KCNMA1: variants seen among roughly 807,000 people sequenced by gnomAD.
KCNMA1 encodes the protein Calcium-activated potassium channel subunit alpha-1.
In KCNMA1, 29 loss-of-function variants were observed where a neutral mutation model predicts 140.0. The ratio of observed to expected loss-of-function variants is 0.21; its 90% CI spans 0.15 to 0.28. KCNMA1 has a LOEUF of 0.28. Ranked by LOEUF, KCNMA1 falls within the 10% of genes least tolerant of loss-of-function variation. The probability of loss-of-function intolerance (pLI) is 1.00; values close to 1 mark genes in which losing one functional copy is unlikely to be tolerated. For synonymous variants in KCNMA1, 612 were observed against 611.9 expected, an observed-to-expected ratio of 1.00 and a Z score of 0.00; for missense variants, 880 against 1,602.2, an observed-to-expected ratio of 0.55 and a Z score of 7.70.
At chr10:77,054,486 T>C (rs1025332532) in intron 14 of KCNMA1, among the ~76,000 whole-genome samples, 4 of 152,094 alleles carry the variant, frequency 2.6e-5, no homozygotes, top group African/African-American at 9.7e-5. Context: ...CACAGAGATA[T>C]ATGTTACTTC....
chr10:76,956,900 A>G (rs1199047856), intron 20 of KCNMA1, among the ~76,000 whole-genome samples: 1 of 152,036 alleles, frequency 6.6e-6, no homozygotes, highest in Non-Finnish European at 1.5e-5. Context: ...AGGTGGGCGG[A>G]TCATGAGGTC....
chr10:77,123,045 T>C (rs1036976340), intron 5 of KCNMA1, among the ~76,000 whole-genome samples: 1 of 150,982 alleles, frequency 6.6e-6, no homozygotes, highest in Non-Finnish European at 1.5e-5. Flanking sequence ...CCGGGCGTGG[T>C]GGCGGGCGCC....
At chr10:77,598,212 C>T (rs2154565914) in intron 1 of KCNMA1, among the ~76,000 whole-genome samples, 1 of 152,244 alleles carries the variant, frequency 6.6e-6, no homozygotes, top group Non-Finnish European at 1.5e-5. Flanking sequence ...CTCAAGTGAT[C>T]CGCCCACCTT....
intron 1 of KCNMA1, among the ~76,000 whole-genome samples, chr10:77,551,794 A>G (rs969024470): frequency 3.3e-5 from 5 of 152,208 alleles, no homozygotes; most frequent in Non-Finnish European, 1.5e-5. Flanking sequence ...CAACCTGGCC[A>G]GCACATCTAT....
intron 23 of KCNMA1, among the ~76,000 whole-genome samples, chr10:76,936,928 C>T (rs2152771747): frequency 6.6e-6 from 1 of 152,320 alleles, no homozygotes; most frequent in East Asian, 1.9e-4. Flanking sequence ...TGACCCCAAT[C>T]CTGACAAACA....
chr10:77,237,855 G>C (rs11592797), intron 3 of KCNMA1, among the ~76,000 whole-genome samples: 59,035 of 151,970 alleles, frequency 0.39, 11,693 homozygotes, highest in Non-Finnish European at 0.42. Flanking sequence ...GGAGGGAGTT[G>C]GCAATGTTTC....
At chr10:77,344,649 G>C (rs186331656) in intron 2 of KCNMA1, among the ~76,000 whole-genome samples, 108 of 151,226 alleles carry the variant, frequency 7.1e-4, no homozygotes, top group Admixed American at 1.6e-3. Flanking sequence ...GATGATCTTT[G>C]TGTAGACTGA....
At chr10:77,533,328 A>G (rs1197057262) in intron 1 of KCNMA1, among the ~76,000 whole-genome samples, 1 of 152,188 alleles carries the variant, frequency 6.6e-6, no homozygotes, top group Non-Finnish European at 1.5e-5. Flanking sequence ...GCTGCATGAC[A>G]CAGGAGAAAG....
chr10:77,578,101 A>T (rs1400410586), intron 1 of KCNMA1, among the ~76,000 whole-genome samples: 1 of 152,220 alleles, frequency 6.6e-6, no homozygotes, highest in African/African-American at 2.4e-5. Flanking sequence ...ACCACTGGTG[A>T]TACTAAGAGA....
chr10:77,294,576 G>A (rs533260994), intron 2 of KCNMA1, among the ~76,000 whole-genome samples: 9 of 152,230 alleles, frequency 5.9e-5, no homozygotes, highest in Non-Finnish European at 1.2e-4. Context: ...ACCAATGTAA[G>A]AATGCATTTG....
At chr10:76,960,634 T>TTTG (rs2070943465) in intron 20 of KCNMA1, among the ~76,000 whole-genome samples, 2 of 148,882 alleles carry the variant, frequency 1.3e-5, no homozygotes, top group African/African-American at 4.9e-5. Context: ...TTTTTTTTTT[T>TTTG]TTTTTTTTTT....
intron 25 of KCNMA1, among the ~76,000 whole-genome samples, chr10:76,896,138 G>C (rs1052222878): frequency 6.6e-6 from 1 of 152,222 alleles, no homozygotes; most frequent in Non-Finnish European, 1.5e-5. Flanking sequence ...CAGGAGGCCA[G>C]GGAGTGTTTC....
At position 77,108,261 on chromosome 10, in the gene KCNMA1, A is replaced by T; in HGVS notation, c.1223+220T>A. On this transcript the variant is annotated intron_variant, in intron 9 of 27. Coordinates refer to ENST00000286628, the MANE Select transcript of KCNMA1 (RefSeq NM_001161352.2). The surrounding 1 kb of genome is among the most constrained non-coding windows in gnomAD (Gnocchi z 4.6). Reference sequence around the variant, plus strand: ...GGACTCCTGAAAGTCACTCAACCACATCTTTTCTGATGCAACTGACTTACT... The same window carrying T: ...GGACTCCTGAAAGTCACTCAACCACTTCTTTTCTGATGCAACTGACTTACT... 1 of 1,449,258 alleles carries T rather than the reference A, an allele frequency of 6.9e-7. No individual in the cohort carries two copies. The highest frequency in any genetic ancestry group is 1.5e-5 in the South Asian group (1 of 68,688). The allele number at this position is 1,449,258 out of a possible 1,614,324, so 89.8% of individuals were successfully genotyped here.
At chr10:77,267,196 G>A (rs2063682724) in intron 2 of KCNMA1, among the ~76,000 whole-genome samples, 1 of 152,150 alleles carries the variant, frequency 6.6e-6, no homozygotes, top group African/African-American at 2.4e-5. Context: ...TTGAGTGACT[G>A]GATGGACCTA....
intron 1 of KCNMA1, among the ~76,000 whole-genome samples, chr10:77,467,382 T>A (rs1158693115): frequency 2.0e-5 from 3 of 152,214 alleles, no homozygotes; most frequent in Non-Finnish European, 1.5e-5. Flanking sequence ...TTCACTAATG[T>A]TGACTGAGCA....
At chr10:77,128,382 T>C (rs2097784584) in intron 5 of KCNMA1, among the ~76,000 whole-genome samples, 1 of 140,412 alleles carries the variant, frequency 7.1e-6, no homozygotes, top group African/African-American at 2.7e-5. Context: ...GCCATCCCCA[T>C]CATATAGATA....
chr10:77,270,237 C>T (rs931905430), intron 2 of KCNMA1, among the ~76,000 whole-genome samples: 3 of 152,166 alleles, frequency 2.0e-5, no homozygotes, highest in African/African-American at 4.8e-5. Flanking sequence ...CCAACTAAAT[C>T]CACACCATTT....
chr10:77,486,842 TG>T (rs2098466721), intron 1 of KCNMA1, among the ~76,000 whole-genome samples: 1 of 152,228 alleles, frequency 6.6e-6, no homozygotes, highest in Admixed American at 6.5e-5. Context: ...AGGCAAGTCA[TG>T]GAGGGGTTTC....
At chr10:77,010,814 T>C (rs1565524325) in intron 18 of KCNMA1, among the ~76,000 whole-genome samples, 1 of 152,004 alleles carries the variant, frequency 6.6e-6, no homozygotes, top group East Asian at 2.0e-4. Flanking sequence ...TGGCTTCTGC[T>C]TGTGAACAAG....
Sources: gnomAD v4.1 joint callset for allele counts (sites outside exome capture counted in the v4.1 genomes callset) on GRCh38, gnomAD v4.1.1 for gene constraint, Gnocchi (gnomAD v3.1) non-coding constraint, MANE v1.5 for transcripts, NCBI Gene and HGNC (gene_info 2026-07-23, HGNC 2026-07-21) for gene names.